LRRN1: variants seen among roughly 807,000 people sequenced by gnomAD.
LRRN1 encodes leucine rich repeat neuronal 1.
In LRRN1, 14 loss-of-function variants were observed where a neutral mutation model predicts 45.8. The observed-to-expected ratio is 0.31, with a 90% CI of 0.20 to 0.48. The LOEUF (loss-of-function observed/expected upper bound fraction) is 0.48, where lower values mean the gene tolerates loss of function less well. LRRN1 is among the 20% of genes least tolerant of loss of function. LRRN1 has a pLI of 0.99. For synonymous variants in LRRN1, 359 were observed against 330.1 expected (o/e 1.09, Z -0.95); for missense variants, 789 against 874.2 (o/e 0.90, Z 1.23).
At chr3:3,807,721 G>GT (rs910633297) in intron 1 of LRRN1, among the ~76,000 whole-genome samples, 142 of 152,278 alleles carry the variant, frequency 9.3e-4, no homozygotes, top group African/African-American at 3.1e-3. Flanking sequence ...TATCCTGAGA[G>GT]TTTCCAGGAC....
At chr3:3,810,684 G>A (rs1350333955) in intron 1 of LRRN1, among the ~76,000 whole-genome samples, 1 of 152,162 alleles carries the variant, frequency 6.6e-6, no homozygotes, top group Non-Finnish European at 1.5e-5. Context: ...TCTAGCCTGA[G>A]TGACAAAGCA....
In LRRN1 at chr3:3,848,492, CAGAA is replaced by C. The variant is rs1440527070; in HGVS notation, c.*1707_*1710del. Among the ~76,000 whole-genome samples the C allele has an allele frequency of 1.3e-5, 2 of 152,150 alleles. No individual in the cohort carries two copies. Among genetic ancestry groups the C allele is most frequent in the African/African-American group, 4.8e-5 (2 of 41,424 alleles). On this transcript the variant is annotated 3_prime_UTR_variant, in exon 2 of 2. Transcript: ENST00000319331. Reference sequence around the variant, plus strand: ...AGACAAGCAAAAGCAAGGAAGTTGGCAGAAAGAAAGTCCAGGTGATGTAGGTTGA... The same window carrying C: ...AGACAAGCAAAAGCAAGGAAGTTGGCAGAAAGTCCAGGTGATGTAGGTTGA...
intron 1 of LRRN1, among the ~76,000 whole-genome samples, chr3:3,836,343 C>G (rs1445621374): frequency 1.3e-5 from 2 of 152,200 alleles, no homozygotes; most frequent in Non-Finnish European, 2.9e-5. Flanking sequence ...CTATTAAACA[C>G]TAATTCCCTC....
intron 1 of LRRN1, among the ~76,000 whole-genome samples, chr3:3,802,878 T>C (rs1005251364): frequency 1.3e-5 from 2 of 152,240 alleles, no homozygotes; most frequent in African/African-American, 4.8e-5. Context: ...GACCCTCACA[T>C]TTGTGAAACC....
At chr3:3,822,349 A>G (rs1693121700) in intron 1 of LRRN1, among the ~76,000 whole-genome samples, 1 of 152,218 alleles carries the variant, frequency 6.6e-6, no homozygotes, top group Non-Finnish European at 1.5e-5. Context: ...AGGTGTCTGC[A>G]AGGTTAGAAA....
At chr3:3,828,766 AG>A (rs1266119896) in intron 1 of LRRN1, among the ~76,000 whole-genome samples, 5 of 152,216 alleles carry the variant, frequency 3.3e-5, no homozygotes, top group Non-Finnish European at 5.9e-5. Context: ...CACATGATAA[AG>A]GAAAAAAATG....
rs1471273169 is a variant in LRRN1 at position 3,846,283 on chromosome 3, A to G, written c.1642A>G (p.Asn548Asp). The G allele has an allele frequency of 6.2e-7, 1 of 1,614,096 alleles. No individual in the cohort carries two copies. The highest frequency in any genetic ancestry group is 1.1e-5 in the South Asian group (1 of 91,082). The change falls in exon 2 of 2, where the codon AAT becomes GAT. Residue 548 changes from asparagine to aspartate, a missense_variant. Asn to Asp is a conservative substitution (Grantham distance 23). Transcript: ENST00000319331. This position sits in a 1 kb window ranked among gnomAD's most constrained non-coding sequence, Gnocchi z 5.7. ...CTTAGTGTCCTGGAAAGTTAATTCCAATGTCATGACGTCAAACTTAAAATG... is the reference window on the plus strand; with the variant it reads ...CTTAGTGTCCTGGAAAGTTAATTCCGATGTCATGACGTCAAACTTAAAATG... ...SILVSWKVNS[N>D]VMTSNLKWSS...
At chr3:3,801,390 C>G (rs1283946581) in intron 1 of LRRN1, 2 of 152,194 alleles carry the variant, frequency 1.3e-5, no homozygotes, top group Non-Finnish European at 2.9e-5. Context: ...CCATGACAAT[C>G]TAAATCATGT....
chr3:3,828,153 T>TA (rs1693270945), intron 1 of LRRN1, among the ~76,000 whole-genome samples: 2 of 138,648 alleles, frequency 1.4e-5, no homozygotes, highest in East Asian at 2.3e-4. Context: ...TATATATATA[T>TA]TATATATATA....
chr3:3,807,496 T>A (rs370313209), intron 1 of LRRN1, among the ~76,000 whole-genome samples: 6 of 152,280 alleles, frequency 3.9e-5, no homozygotes, highest in African/African-American at 1.2e-4. Context: ...TCATACAAGT[T>A]TATGTTTCTT....
rs1425243205 is a variant in LRRN1, at chr3:3,816,627, C to CA, written c.-279+16713dup. Among the ~76,000 whole-genome samples, 1 of 152,042 alleles carries CA rather than the reference C, an allele frequency of 6.6e-6. No individual in the cohort carries two copies. The highest frequency in any genetic ancestry group is 2.4e-5 in the African/African-American group (1 of 41,398). On this transcript the variant is annotated intron_variant, in intron 1 of 1. Coordinates refer to ENST00000319331, the MANE Select transcript of LRRN1 (RefSeq NM_020873.7). The surrounding 1 kb of genome is among the most constrained non-coding windows in gnomAD (Gnocchi z 4.0). ...AATATATAACCACCCTTATTAAAGG[C>CA]AAAAATATAGGTATTACAATTTGAA...
intron 1 of LRRN1, among the ~76,000 whole-genome samples, chr3:3,836,767 G>A (rs1693525993): frequency 6.6e-6 from 1 of 152,148 alleles, no homozygotes; most frequent in Admixed American, 6.5e-5. Flanking sequence ...CAATTTTAGG[G>A]GTAGTAGCAA....
intron 1 of LRRN1, among the ~76,000 whole-genome samples, chr3:3,808,835 A>AT (rs1692819506): frequency 6.6e-6 from 1 of 152,100 alleles, no homozygotes; most frequent in African/African-American, 2.4e-5. Flanking sequence ...CTAGTTTGGT[A>AT]TTTTTATTTA....
chr3:3,818,621 C>A (rs566315672), intron 1 of LRRN1, among the ~76,000 whole-genome samples: 1 of 152,286 alleles, frequency 6.6e-6, no homozygotes, highest in Non-Finnish European at 1.5e-5. Context: ...CTGTGAAAGA[C>A]TAAAGGCTCG....
chr3:3,815,300 G>C (rs1343311841), intron 1 of LRRN1, among the ~76,000 whole-genome samples: 1 of 152,102 alleles, frequency 6.6e-6, no homozygotes, highest in African/African-American at 2.4e-5. Context: ...TCTGAACTCA[G>C]ATTTGGAAAG....
At position 3,846,253 on chromosome 3, in the gene LRRN1, T is replaced by G; in HGVS notation, c.1612T>G (p.Ser538Ala). The change falls in exon 2 of 2, where the codon TCC becomes GCC. Residue 538 changes from serine (S) to alanine (A), a missense_variant. Ser to Ala is a moderately conservative substitution (Grantham distance 99). Transcript: ENST00000319331. The surrounding 1 kb of genome is among the most constrained non-coding windows in gnomAD (Gnocchi z 5.7). ...KIYVKQTESH[S>A]ILVSWKVNSN... ...ATACGTCAAGCAGACAGAATCCCAT[T>G]CCATCTTAGTGTCCTGGAAAGTTAA... 1 of 1,614,050 alleles carries G rather than the reference T, an allele frequency of 6.2e-7. No individual in the cohort carries two copies. Among genetic ancestry groups the G allele is most frequent in the Admixed American group, 1.7e-5 (1 of 60,014 alleles).
intron 1 of LRRN1, chr3:3,803,989 T>C (rs1692706795): frequency 6.6e-6 from 1 of 152,238 alleles, no homozygotes; most frequent in Admixed American, 6.5e-5. Context: ...TTTCCAGACT[T>C]TATGGGCACC....
At chr3:3,812,698 T>G (rs13323368) in intron 1 of LRRN1, among the ~76,000 whole-genome samples, 7,894 of 152,132 alleles carry the variant, frequency 0.052, 706 homozygotes, top group African/African-American at 0.18. Context: ...TGGCATGTCA[T>G]TGTCTTACAT....
At chr3:3,827,045 A>G (rs555618759) in intron 1 of LRRN1, among the ~76,000 whole-genome samples, 1 of 152,316 alleles carries the variant, frequency 6.6e-6, no homozygotes, top group East Asian at 1.9e-4. Context: ...AAAAAGACTC[A>G]GATTCAATAC....
Sources: gnomAD v4.1 joint callset for allele counts (sites outside exome capture counted in the v4.1 genomes callset) on GRCh38, gnomAD v4.1.1 for gene constraint, Gnocchi (gnomAD v3.1) non-coding constraint, MANE v1.5 for transcripts, NCBI Gene and HGNC (gene_info 2026-07-23, HGNC 2026-07-21) for gene names.